Variants in ARHGAP42 observed in about 807,000 individuals in gnomAD.
ARHGAP42 encodes Rho GTPase activating protein 42.
A neutral mutation model predicts 125.0 loss-of-function variants in ARHGAP42; 63 were observed. The observed-to-expected ratio is 0.50, with a 90% CI of 0.41 to 0.62. The LOEUF (loss-of-function observed/expected upper bound fraction) is 0.62. Among genes scored for constraint, ARHGAP42 ranks in the 20% least tolerant of loss-of-function variants. The pLI is 0.00. For missense variants in ARHGAP42, 766 were observed against 1,024.2 expected, an observed-to-expected ratio of 0.75 and a Z score of 3.44; for synonymous variants, 339 against 351.0, an observed-to-expected ratio of 0.97 and a Z score of 0.38.
rs1182112254 is a variant in ARHGAP42, at chr11:100,992,171, C to A, written c.*3370C>A. The A allele has an allele frequency of 2.9e-5, 26 of 900,926 alleles. No individual in the cohort carries two copies. The highest frequency in any genetic ancestry group is 7.5e-5 in the South Asian group (4 of 53,380). 55.8% of individuals were successfully genotyped at this position (900,926 alleles called of 1,614,324 possible). A position where few individuals can be genotyped will look rare whatever the true frequency, so the allele number is the denominator to read the frequency against. On this transcript the variant is annotated 3_prime_UTR_variant, in exon 24 of 24. Transcript: ENST00000298815. ...TTCAAATTGTAGTGATACCTTAAAT[C>A]ATGTATTCAGGATGCCTTCTTTAGC...
At chr11:100,813,619 C>G (rs1236171866) in intron 3 of ARHGAP42, among the ~76,000 whole-genome samples, 1 of 152,112 alleles carries the variant, frequency 6.6e-6, no homozygotes, top group African/African-American at 2.4e-5. Context: ...AGGTGATGAG[C>G]TCCTTTGACT....
chr11:100,935,677 C>CACACACACAG (rs143859109), intron 7 of ARHGAP42, among the ~76,000 whole-genome samples: 9,545 of 146,518 alleles, frequency 0.065, 422 homozygotes, highest in Non-Finnish European at 0.092. Context: ...CACACACACA[C>CACACACACAG]AGAGAGAGAG....
chr11:100,942,409 A>G (rs541916962), intron 9 of ARHGAP42, among the ~76,000 whole-genome samples: 1 of 152,306 alleles, frequency 6.6e-6, no homozygotes, highest in Non-Finnish European at 1.5e-5. Flanking sequence ...AAGGTCTCAC[A>G]TGGCTAGTGA....
chr11:100,955,296 GTCT>G (rs1210340348), intron 12 of ARHGAP42, among the ~76,000 whole-genome samples: 3 of 152,088 alleles, frequency 2.0e-5, no homozygotes, highest in Non-Finnish European at 4.4e-5. Flanking sequence ...AAGTTAGTCT[GTCT>G]TCTGCTTCTA....
chr11:100,730,941 T>C (rs1861946868), intron 1 of ARHGAP42, among the ~76,000 whole-genome samples: 1 of 152,196 alleles, frequency 6.6e-6, no homozygotes, highest in Admixed American at 6.5e-5. Context: ...AATACAATAT[T>C]ATGATCTTAA....
rs543913750 is a variant in ARHGAP42 at position 100,989,748 on chromosome 11, A to G, written c.*947A>G. ...ACTTAAATTCCACTTGGAAGATTGT[A>G]AAGTGTCAAAGTATTTTAATGATAA... On this transcript the variant is annotated 3_prime_UTR_variant, in exon 24 of 24. Transcript: ENST00000298815. 6.6e-6 allele frequency: 1 copy of G among 152,238 alleles called. No individual in the cohort carries two copies. Among genetic ancestry groups the G allele is most frequent in the African/African-American group, 2.4e-5 (1 of 41,474 alleles). The allele number at this position is 152,238 out of a possible 1,614,324, so 9.4% of individuals were successfully genotyped here.
chr11:100,927,986 C>T (rs1192742905), intron 6 of ARHGAP42, among the ~76,000 whole-genome samples: 1 of 152,082 alleles, frequency 6.6e-6, no homozygotes, highest in Non-Finnish European at 1.5e-5. Flanking sequence ...TTTATATATG[C>T]TTTCGTTTTC....
In ARHGAP42 at chr11:100,962,411, G is replaced by T. The variant is rs553189342; in HGVS notation, c.1388G>T (p.Cys463Phe). ...ITSGLKNYLR[C>F]LAEPLMTYKL... ...TGTGTTTCCTTTCTCTGTTGTAGGTGCCTTGCAGAACCACTGATGACTTAC... is the reference window on the plus strand; with the variant it reads ...TGTGTTTCCTTTCTCTGTTGTAGGTTCCTTGCAGAACCACTGATGACTTAC... The change falls in exon 16 of 24, where the codon TGC (cysteine) becomes TTC (phenylalanine). Residue 463 changes from cysteine (C) to phenylalanine (F), a missense_variant and splice_region_variant. Physicochemically the swap from Cys to Phe is radical, Grantham distance 205. This residue lies in a region of ARHGAP42 where 455 missense variants were observed against 636.5 expected (regional missense o/e 0.71). Coordinates refer to ENST00000298815, the MANE Select transcript of ARHGAP42 (RefSeq NM_152432.4). The T allele has an allele frequency of 1.9e-6, 3 of 1,550,592 alleles. No individual in the cohort carries two copies. The South Asian group carries it at 3.6e-5, about 18-fold the overall frequency.
intron 6 of ARHGAP42, among the ~76,000 whole-genome samples, chr11:100,922,498 C>T (rs1010562594): frequency 2.0e-5 from 3 of 152,112 alleles, no homozygotes; most frequent in Non-Finnish European, 1.5e-5. Flanking sequence ...TGTCTGCATT[C>T]TTCAATTCCC....
rs986298097 is a variant in ARHGAP42, at chr11:100,815,124, A to G, written c.312+19958A>G. Among the ~76,000 whole-genome samples the G allele has an allele frequency of 4.5e-4, 68 of 152,332 alleles. 1 individual carries two copies. The highest frequency in any genetic ancestry group is 1.6e-3 in the African/African-American group (65 of 41,570). On this transcript the variant is annotated intron_variant, in intron 3 of 23. Transcript: ENST00000298815. ...TTGTGTTTTAGTTTGTCTCCATTAA[A>G]TTGTATAACCTCTTTCAGCAGGACC... is the stretch of plus-strand genomic sequence containing the variant.
At chr11:100,943,682 C>T in intron 9 of ARHGAP42, 77 bp from the exon 10 acceptor site, 1 of 1,006,898 alleles carries the variant, frequency 9.9e-7, no homozygotes, top group Non-Finnish European at 1.5e-6. Flanking sequence ...TTTAATGTGG[C>T]AACTTGAGCT....
intron 4 of ARHGAP42, among the ~76,000 whole-genome samples, chr11:100,902,242 T>A (rs943842190): frequency 2.0e-5 from 3 of 152,190 alleles, no homozygotes; most frequent in Admixed American, 2.0e-4. Flanking sequence ...TTAATGCTGA[T>A]TTTGAGAAAG....
intron 3 of ARHGAP42, among the ~76,000 whole-genome samples, chr11:100,836,303 G>A (rs1864784541): frequency 6.6e-6 from 1 of 152,080 alleles, no homozygotes; most frequent in Admixed American, 6.6e-5. Context: ...GTGTAAAGGG[G>A]TGGTTTAAAC....
At chr11:100,867,775 A>G (rs1031535023) in intron 4 of ARHGAP42, among the ~76,000 whole-genome samples, 10 of 152,230 alleles carry the variant, frequency 6.6e-5, no homozygotes, top group African/African-American at 2.4e-4. Context: ...AGCTTTCAAC[A>G]TACCTTCCTC....
chr11:100,887,948 A>G (rs1312118447), intron 4 of ARHGAP42, among the ~76,000 whole-genome samples: 2 of 152,204 alleles, frequency 1.3e-5, no homozygotes, highest in Non-Finnish European at 2.9e-5. Flanking sequence ...TCACAGTCCC[A>G]TCTCTACCTC....
At chr11:100,814,226 G>A (rs185499163) in intron 3 of ARHGAP42, among the ~76,000 whole-genome samples, 176 of 151,272 alleles carry the variant, frequency 1.2e-3, no homozygotes, top group South Asian at 8.0e-3. Flanking sequence ...GTATGGTGGC[G>A]TGCACCTGTA....
intron 3 of ARHGAP42, 38 bp downstream of exon 3, chr11:100,795,204 T>C (rs1008083174): frequency 7.7e-6 from 11 of 1,429,026 alleles, no homozygotes; most frequent in South Asian, 1.4e-5. Flanking sequence ...TATTGCTTTG[T>C]TTCAACATAT....
intron 4 of ARHGAP42, among the ~76,000 whole-genome samples, chr11:100,900,983 A>T (rs766673411): frequency 3.3e-5 from 5 of 151,190 alleles, no homozygotes; most frequent in Non-Finnish European, 5.9e-5. Flanking sequence ...TGGTTTTTAG[A>T]ATTTTCAGCT....
chr11:100,783,223 C>T (rs1303540628), intron 2 of ARHGAP42, among the ~76,000 whole-genome samples: 2 of 152,076 alleles, frequency 1.3e-5, no homozygotes. Context: ...ATTGCTTGAG[C>T]CCAGGAGTTC....
Sources: gnomAD v4.1 joint callset for allele counts (sites outside exome capture counted in the v4.1 genomes callset) on GRCh38, gnomAD v4.1.1 for gene constraint, gnomAD v4.1.1 regional missense constraint, MANE v1.5 for transcripts, NCBI Gene and HGNC (gene_info 2026-07-23, HGNC 2026-07-21) for gene names.